Variants in CHST11 observed in about 807,000 individuals in gnomAD.
CHST11 encodes carbohydrate sulfotransferase 11, also known as C4S-1.
CHST11 carries 9 observed loss-of-function variants against 30.4 expected under a neutral mutation model. That is an observed-to-expected ratio of 0.30 (90% CI 0.18 to 0.52). The LOEUF (loss-of-function observed/expected upper bound fraction) is 0.52, where lower values mean the gene tolerates loss of function less well. Among genes scored for constraint, CHST11 ranks in the 20% least tolerant of loss-of-function variants. The probability of loss-of-function intolerance (pLI) is 0.97; values close to 1 mark genes in which losing one functional copy is unlikely to be tolerated. For synonymous variants in CHST11, 152 were observed against 187.8 expected, an observed-to-expected ratio of 0.81 and a Z score of 1.56; for missense variants, 348 against 460.6, an observed-to-expected ratio of 0.76 and a Z score of 2.24.
rs2038949344 is a variant in CHST11 at position 104,600,680 on chromosome 12, G to A, written c.119-1226G>A. On this transcript the variant is annotated intron_variant, in intron 1 of 2. Transcript: ENST00000303694. The surrounding 1 kb of genome is among the most constrained non-coding windows in gnomAD (Gnocchi z 4.1). ...TTGAAACCCAGGCTATCTGTTCCAG[G>A]GAATGTCCTGCTGTCCATTCATTGC... Among the ~76,000 whole-genome samples, 1 of 152,090 alleles carries A rather than the reference G, an allele frequency of 6.6e-6. No homozygotes were observed. The highest frequency in any genetic ancestry group is 6.5e-5 in the Admixed American group (1 of 15,278).
chr12:104,709,469 G>A (rs1475351479), intron 2 of CHST11, among the ~76,000 whole-genome samples: 2 of 152,210 alleles, frequency 1.3e-5, no homozygotes, highest in Admixed American at 1.3e-4. Context: ...AAAGCATGCT[G>A]GAGATTTCTC....
At chr12:104,546,383 G>A (rs1005802123) in intron 1 of CHST11, among the ~76,000 whole-genome samples, 3 of 150,574 alleles carry the variant, frequency 2.0e-5, no homozygotes, top group Admixed American at 6.6e-5. Context: ...CAGGAGAATC[G>A]CTTGAGCCCA....
At chr12:104,691,731 G>A (rs1338972770) in intron 2 of CHST11, among the ~76,000 whole-genome samples, 9 of 151,936 alleles carry the variant, frequency 5.9e-5, no homozygotes, top group Admixed American at 3.3e-4. Context: ...CTCATGATCC[G>A]CCCGCCTCAG....
rs1226450297 is a variant in CHST11, at chr12:104,458,750, AAGG to A, written c.118+1228_118+1230del. Reference sequence around the variant, plus strand: ...AGCAATAATTTGCTTTTCTAATTGCAAGGAGGAGGGAGGTGGAAACGCATTTCC... The same window carrying A: ...AGCAATAATTTGCTTTTCTAATTGCAAGGAGGGAGGTGGAAACGCATTTCC... On this transcript the variant is annotated intron_variant, in intron 1 of 2. Coordinates refer to ENST00000303694, the MANE Select transcript of CHST11 (RefSeq NM_018413.6). This position sits in a 1 kb window ranked among gnomAD's most constrained non-coding sequence, Gnocchi z 5.7. Among the ~76,000 whole-genome samples, 2 of 152,192 alleles carry A rather than the reference AAGG, an allele frequency of 1.3e-5. No homozygotes were observed. The highest frequency in any genetic ancestry group is 2.9e-5 in the Non-Finnish European group (2 of 68,022).
At chr12:104,611,312 C>A (rs2039057404) in intron 2 of CHST11, among the ~76,000 whole-genome samples, 1 of 152,202 alleles carries the variant, frequency 6.6e-6, no homozygotes, top group Admixed American at 6.5e-5. Flanking sequence ...TACAGCACAT[C>A]TCCATTGGGA....
At chr12:104,737,437 G>A (rs532001424) in intron 2 of CHST11, among the ~76,000 whole-genome samples, 58 of 152,364 alleles carry the variant, frequency 3.8e-4, no homozygotes, top group African/African-American at 1.0e-3. Flanking sequence ...TCACTTTGGG[G>A]ATTATTGTGA....
intron 1 of CHST11, among the ~76,000 whole-genome samples, chr12:104,586,814 A>C (rs1404919056): frequency 6.6e-6 from 1 of 152,250 alleles, no homozygotes. Flanking sequence ...AGTGTGTAAA[A>C]TGTAATTAAT....
intron 2 of CHST11, among the ~76,000 whole-genome samples, chr12:104,702,800 G>A (rs1485213801): frequency 2.0e-5 from 3 of 152,148 alleles, no homozygotes; most frequent in African/African-American, 4.8e-5. Context: ...GTACCAATTC[G>A]ACGTTTCTCC....
intron 2 of CHST11, among the ~76,000 whole-genome samples, chr12:104,731,709 G>C (rs957752186): frequency 1.3e-5 from 2 of 152,224 alleles, no homozygotes; most frequent in African/African-American, 4.8e-5. Context: ...GAAAGGATTC[G>C]GGGTATAATG....
At chr12:104,617,890 AT>A (rs1476157206) in intron 2 of CHST11, among the ~76,000 whole-genome samples, 1 of 151,226 alleles carries the variant, frequency 6.6e-6, no homozygotes, top group African/African-American at 2.4e-5. Context: ...TCAAATACAT[AT>A]TTTTTTCTTT....
chr12:104,626,642 G>A (rs1278034836), intron 2 of CHST11, among the ~76,000 whole-genome samples: 1 of 150,766 alleles, frequency 6.6e-6, no homozygotes, highest in East Asian at 1.9e-4. Flanking sequence ...TATTTCCTGG[G>A]AGAGTCCTGA....
chr12:104,632,993 G>A (rs1186254961), intron 2 of CHST11, among the ~76,000 whole-genome samples: 3 of 152,210 alleles, frequency 2.0e-5, no homozygotes, highest in African/African-American at 2.4e-5. Context: ...CTTTATCATC[G>A]ACTTTGTCAG....
intron 1 of CHST11, among the ~76,000 whole-genome samples, chr12:104,554,789 C>T (rs1421306941): frequency 6.6e-6 from 1 of 152,238 alleles, no homozygotes; most frequent in Non-Finnish European, 1.5e-5. Context: ...CCTCAGAGAG[C>T]CATCTTATGC....
chr12:104,584,673 G>GTTAAT (rs2038784120), intron 1 of CHST11, among the ~76,000 whole-genome samples: 1 of 35,846 alleles, frequency 2.8e-5, no homozygotes, highest in African/African-American at 1.4e-4. Flanking sequence ...GGTTTAAGTG[G>GTTAAT]TTAATTTAAA....
chr12:104,665,151 C>A (rs891445380), intron 2 of CHST11, among the ~76,000 whole-genome samples: 13 of 152,170 alleles, frequency 8.5e-5, no homozygotes, highest in African/African-American at 2.7e-4. Flanking sequence ...ATGAGAATAA[C>A]CTTGAGATTT....
intron 2 of CHST11, among the ~76,000 whole-genome samples, chr12:104,638,537 A>G (rs1394110818): frequency 6.6e-6 from 1 of 152,214 alleles, no homozygotes; most frequent in African/African-American, 2.4e-5. Context: ...TACTCTCATG[A>G]TAAAGGGTGT....
rs184348663 is a variant in CHST11 at position 104,590,540 on chromosome 12, C to T, written c.119-11366C>T. Among the ~76,000 whole-genome samples, 163 of 152,268 alleles carry T rather than the reference C, an allele frequency of 1.1e-3. 3 individuals are homozygous for T. The highest frequency in any genetic ancestry group is 0.011 in the Admixed American group (161 of 15,294). On this transcript the variant is annotated intron_variant, in intron 1 of 2. Coordinates refer to ENST00000303694, the MANE Select transcript of CHST11 (RefSeq NM_018413.6). ...ACAAGACAGTCCAAGTCCTTTTGCT[C>T]ATGAAACTTAGGGTCTCGTGGTGGC...
chr12:104,563,155 C>G (rs1366145572), intron 1 of CHST11, among the ~76,000 whole-genome samples: 1 of 152,196 alleles, frequency 6.6e-6, no homozygotes, highest in African/African-American at 2.4e-5. Context: ...ATTCTCGTGT[C>G]TCAGCCTCCC....
At chr12:104,696,834 C>T (rs992632211) in intron 2 of CHST11, among the ~76,000 whole-genome samples, 1 of 152,142 alleles carries the variant, frequency 6.6e-6, no homozygotes, top group African/African-American at 2.4e-5. Flanking sequence ...ATACAATATG[C>T]AACACAGGTT....
Sources: gnomAD v4.1 joint callset for allele counts (sites outside exome capture counted in the v4.1 genomes callset) on GRCh38, gnomAD v4.1.1 for gene constraint, Gnocchi (gnomAD v3.1) non-coding constraint, MANE v1.5 for transcripts, NCBI Gene and HGNC (gene_info 2026-07-23, HGNC 2026-07-21) for gene names.